Variants in EXOC4 observed in about 807,000 individuals in gnomAD.
EXOC4 encodes the protein exocyst complex component 4.
Under a neutral mutation model 107.2 loss-of-function variants are expected in EXOC4, and 71 were observed. The observed-to-expected ratio is 0.66, with a 90% CI of 0.55 to 0.81. The LOEUF is 0.81. EXOC4 is among the 30% of genes least tolerant of loss of function. EXOC4 has a pLI of 0.00. For synonymous variants in EXOC4, 456 were observed against 441.2 expected (o/e 1.03, Z -0.42); for missense variants, 1,108 against 1,189.6 (o/e 0.93, Z 1.01).
rs79548446 is a variant in EXOC4, at chr7:133,812,883, A to T, written c.1515-4442A>T. Among the ~76,000 whole-genome samples, 275 of 151,966 alleles carry T rather than the reference A, an allele frequency of 1.8e-3. 4 individuals carry two copies. The highest frequency in any genetic ancestry group is 6.3e-3 in the African/African-American group (262 of 41,428). ...GGAAATTTTGTAACCTTTGACCAAC[A>T]TCTCCTCCCCTCCCCCATCCCTTAG... On this transcript the variant is annotated intron_variant, in intron 10 of 17. Coordinates refer to ENST00000253861, the MANE Select transcript of EXOC4 (RefSeq NM_021807.4).
intron 5 of EXOC4, among the ~76,000 whole-genome samples, chr7:133,346,105 AT>A (rs1012296800): frequency 6.6e-6 from 1 of 152,222 alleles, no homozygotes; most frequent in Non-Finnish European, 1.5e-5. Flanking sequence ...AGGAAATGCT[AT>A]TTAAGATATG....
intron 15 of EXOC4, among the ~76,000 whole-genome samples, chr7:133,999,356 A>G (rs1259938872): frequency 6.6e-6 from 1 of 152,072 alleles, no homozygotes; most frequent in Non-Finnish European, 1.5e-5. Flanking sequence ...TTTATCCTTC[A>G]TTACCATTGC....
At chr7:133,974,284 C>T (rs1013903306) in intron 14 of EXOC4, among the ~76,000 whole-genome samples, 3 of 152,210 alleles carry the variant, frequency 2.0e-5, no homozygotes, top group Non-Finnish European at 2.9e-5. Context: ...ATATTAAGCA[C>T]TGTGCTAGGA....
chr7:133,568,813 T>G (rs1800960336), intron 9 of EXOC4, among the ~76,000 whole-genome samples: 1 of 152,160 alleles, frequency 6.6e-6, no homozygotes, highest in African/African-American at 2.4e-5. Flanking sequence ...AAGGAAATAT[T>G]TATACCACAC....
intron 9 of EXOC4, among the ~76,000 whole-genome samples, chr7:133,617,227 A>G (rs920324038): frequency 3.9e-5 from 6 of 152,176 alleles, no homozygotes; most frequent in African/African-American, 1.2e-4. Context: ...ATTACAAGAA[A>G]ATGGACTAAA....
At chr7:133,488,292 C>T (rs1799307611) in intron 9 of EXOC4, among the ~76,000 whole-genome samples, 1 of 152,090 alleles carries the variant, frequency 6.6e-6, no homozygotes. Context: ...TAGTCTAGTG[C>T]TTTTTAAATT....
intron 10 of EXOC4, among the ~76,000 whole-genome samples, chr7:133,699,174 C>G (rs753607187): frequency 1.3e-5 from 2 of 152,152 alleles, no homozygotes; most frequent in Admixed American, 1.3e-4. Flanking sequence ...ACTCTTCTCT[C>G]TGTTTGGAAT....
intron 5 of EXOC4, among the ~76,000 whole-genome samples, chr7:133,321,586 T>C (rs577507375): frequency 6.6e-5 from 10 of 152,310 alleles, no homozygotes; most frequent in Non-Finnish European, 1.2e-4. Flanking sequence ...TAGTATTCCA[T>C]GGTGTATATG....
At chr7:133,680,163 G>A (rs538156855) in intron 10 of EXOC4, among the ~76,000 whole-genome samples, 1 of 152,256 alleles carries the variant, frequency 6.6e-6, no homozygotes, top group Non-Finnish European at 1.5e-5. Flanking sequence ...TTTGATATCA[G>A]ATTCTGAAAT....
intron 9 of EXOC4, among the ~76,000 whole-genome samples, chr7:133,573,215 T>TA: frequency 6.6e-6 from 1 of 152,210 alleles, no homozygotes; most frequent in Non-Finnish European, 1.5e-5. Flanking sequence ...ATAGGATACT[T>TA]ACCACTTTAT....
At chr7:133,547,558 A>T (rs1381609824) in intron 9 of EXOC4, among the ~76,000 whole-genome samples, 1 of 152,220 alleles carries the variant, frequency 6.6e-6, no homozygotes, top group South Asian at 2.1e-4. Flanking sequence ...ACGTCTTTCA[A>T]CATTGGAGTC....
chr7:133,658,051 G>C (rs918754042), intron 10 of EXOC4, among the ~76,000 whole-genome samples: 3 of 152,038 alleles, frequency 2.0e-5, no homozygotes, highest in African/African-American at 7.2e-5. Flanking sequence ...CTACCTTTAG[G>C]GCAGGGAAAT....
chr7:133,347,259 T>G (rs1032968333), intron 5 of EXOC4, among the ~76,000 whole-genome samples: 3 of 151,618 alleles, frequency 2.0e-5, no homozygotes, highest in Non-Finnish European at 2.9e-5. Context: ...TTTTTTTTTT[T>G]GTGAGGCAGA....
chr7:133,963,103 G>A (rs985259517), intron 14 of EXOC4, among the ~76,000 whole-genome samples: 1 of 152,248 alleles, frequency 6.6e-6, no homozygotes, highest in African/African-American at 2.4e-5. Flanking sequence ...ACCGCAGCCT[G>A]TGGCTGCCTT....
intron 10 of EXOC4, among the ~76,000 whole-genome samples, chr7:133,704,989 T>C (rs1794738748): frequency 6.6e-6 from 1 of 152,212 alleles, no homozygotes; most frequent in South Asian, 2.1e-4. Flanking sequence ...CCTCAGCATA[T>C]GATTTTATTT....
intron 17 of EXOC4, among the ~76,000 whole-genome samples, chr7:134,060,818 T>G (rs1340802197): frequency 6.6e-6 from 1 of 152,198 alleles, no homozygotes; most frequent in Non-Finnish European, 1.5e-5. Context: ...TATTTATGAT[T>G]CTTTATGATC....
intron 10 of EXOC4, among the ~76,000 whole-genome samples, chr7:133,795,645 C>T (rs192239033): frequency 6.6e-6 from 1 of 152,218 alleles, no homozygotes; most frequent in Admixed American, 6.5e-5. Flanking sequence ...TATGAATTTG[C>T]CTTTTCCATT....
At chr7:133,343,661 T>C (rs914788512) in intron 5 of EXOC4, among the ~76,000 whole-genome samples, 2 of 152,062 alleles carry the variant, frequency 1.3e-5, no homozygotes, top group Non-Finnish European at 2.9e-5. Flanking sequence ...CCGTGTCTTT[T>C]CTTAGTTTTG....
intron 3 of EXOC4, among the ~76,000 whole-genome samples, chr7:133,298,820 T>C (rs1161945922): frequency 6.6e-6 from 1 of 152,214 alleles, no homozygotes; most frequent in African/African-American, 2.4e-5. Context: ...TTAAGAATTA[T>C]AACTGTTTTG....
Sources: gnomAD v4.1 joint callset for allele counts (sites outside exome capture counted in the v4.1 genomes callset) on GRCh38, gnomAD v4.1.1 for gene constraint, MANE v1.5 for transcripts, NCBI Gene and HGNC (gene_info 2026-07-23, HGNC 2026-07-21) for gene names.